Variants in ANKRD42 observed in about 807,000 individuals in gnomAD.
ANKRD42 encodes ankyrin repeat domain-containing protein 42.
Under a neutral mutation model 51.5 loss-of-function variants are expected in ANKRD42, and 43 were observed. The ratio of observed to expected loss-of-function variants is 0.83; its 90% CI spans 0.65 to 1.08. The LOEUF is 1.08. Among genes scored for constraint, ANKRD42 ranks in the 50% least tolerant of loss-of-function variants. The pLI is 0.00. For synonymous variants in ANKRD42, 203 were observed against 213.0 expected (o/e 0.95, Z 0.41); for missense variants, 608 against 629.3 (o/e 0.97, Z 0.36).
At chr11:83,229,243 A>G (rs1247619934) in intron 7 of ANKRD42, among the ~76,000 whole-genome samples, 2 of 151,964 alleles carry the variant, frequency 1.3e-5, no homozygotes, top group Non-Finnish European at 2.9e-5. Flanking sequence ...AAATTAGTCA[A>G]ATTGGATTAG....
chr11:83,257,317 G>C (rs778548140), downstream of ANKRD42: 6 of 455,960 alleles, frequency 1.3e-5, no homozygotes, highest in South Asian at 3.1e-5. Flanking sequence ...TTCAGGGGGA[G>C]ACAGGAGCCA....
intron 5 of ANKRD42, chr11:83,212,635 A>G: frequency 6.6e-7 from 1 of 1,524,762 alleles, no homozygotes; most frequent in African/African-American, 1.4e-5. Context: ...GGCCTGATCA[A>G]ATCACTTTGC....
chr11:83,261,703 A>G, downstream of ANKRD42: 1 of 368,108 alleles, frequency 2.7e-6, no homozygotes, highest in Non-Finnish European at 4.9e-6. Context: ...CAGCTTTTCA[A>G]TATAATAAAG....
In ANKRD42 at chr11:83,239,004, C is replaced by CAA. The variant is rs58315284; in HGVS notation, c.1020-1745_1020-1744dup. ...AACCTAGGCGACTGAGCTAGACCCTCAAAAAAAAAAATTTTGCATTTCTGT... is the reference window on the plus strand; with the variant it reads ...AACCTAGGCGACTGAGCTAGACCCTCAAAAAAAAAAAAATTTTGCATTTCTGT... On this transcript the variant is annotated intron_variant, in intron 8 of 10. Coordinates refer to ENST00000533342, the MANE Select transcript of ANKRD42 (RefSeq NM_001300975.2). Among the ~76,000 whole-genome samples the CAA allele has an allele frequency of 9.1e-4, 136 of 149,140 alleles. 1 individual carries two copies. The highest frequency in any genetic ancestry group is 2.6e-3 in the African/African-American group (105 of 40,488).
At chr11:83,247,826 A>G (rs1214496632) in intron 10 of ANKRD42, 117 bp from the exon 11 acceptor site, 1 of 912,714 alleles carries the variant, frequency 1.1e-6, no homozygotes, top group East Asian at 2.6e-5. Context: ...TATTTGTTGA[A>G]TAAATGATTT....
intron 3 of ANKRD42, among the ~76,000 whole-genome samples, chr11:83,206,407 C>T (rs1182950211): frequency 6.6e-6 from 1 of 152,174 alleles, no homozygotes; most frequent in East Asian, 1.9e-4. Flanking sequence ...ATCTCACAGT[C>T]ATAACCAGAT....
chr11:83,214,456 C>T, intron 5 of ANKRD42: 1 of 980,668 alleles, frequency 1.0e-6, no homozygotes, highest in Non-Finnish European at 1.2e-6. Flanking sequence ...ATTAAAAAAT[C>T]CAATTGTTTC....
intron 7 of ANKRD42, among the ~76,000 whole-genome samples, chr11:83,229,629 A>C (rs1477731416): frequency 4.6e-5 from 7 of 152,190 alleles, no homozygotes; most frequent in African/African-American, 1.7e-4. Flanking sequence ...GGTTCTAAAG[A>C]GACTGTTCTA....
chr11:83,240,708 T>G (rs1863359151), intron 8 of ANKRD42, 51 bp from the exon 9 acceptor site: 1 of 1,594,932 alleles, frequency 6.3e-7, no homozygotes, highest in South Asian at 1.1e-5. Context: ...AGCTGCAGTT[T>G]CAGTTTGAAG....
chr11:83,241,913 T>C (rs766417203), intron 9 of ANKRD42, among the ~76,000 whole-genome samples: 9 of 152,150 alleles, frequency 5.9e-5, no homozygotes, highest in Non-Finnish European at 1.0e-4. Context: ...ATACTCCATC[T>C]AACAATATAA....
intron 4 of ANKRD42, 120 bp downstream of exon 4, chr11:83,210,539 T>A: frequency 8.2e-7 from 1 of 1,223,014 alleles, no homozygotes; most frequent in Non-Finnish European, 1.1e-6. Context: ...GAAACTAATT[T>A]AATTTTTCTC....
rs775587249 is a variant in ANKRD42 at position 83,211,365 on chromosome 11, G to C, written c.521G>C (p.Cys174Ser). Residue 174 changes from cysteine (C) to serine (S), a missense_variant, in exon 5 of 11, where the codon TGC becomes TCC. Coordinates refer to ENST00000533342, the MANE Select transcript of ANKRD42 (RefSeq NM_001300975.2). ...GCAGCTTTTCATGGGCGGCTTGGCT[G>C]CTTGCAACTTCTTGTTAAATGGGGT... is the stretch of plus-strand genomic sequence containing the variant. ...HYAAFHGRLGCLQLLVKWGCS... is the reference protein window; with the variant it reads ...HYAAFHGRLGSLQLLVKWGCS... 5 of 1,614,196 alleles carry C rather than the reference G, an allele frequency of 3.1e-6. No individual in the cohort carries two copies. The highest frequency in any genetic ancestry group is 4.2e-6 in the Non-Finnish European group (5 of 1,180,010).
chr11:83,243,968 T>A (rs1159496983), intron 9 of ANKRD42, among the ~76,000 whole-genome samples: 2 of 21,006 alleles, frequency 9.5e-5, no homozygotes, highest in Non-Finnish European at 2.0e-4. Flanking sequence ...CTGGCTGCCC[T>A]TTTTTTTTTT....
intron 5 of ANKRD42, chr11:83,214,104 T>A (rs1406667840): frequency 6.6e-6 from 1 of 152,296 alleles, no homozygotes; most frequent in East Asian, 1.9e-4. Flanking sequence ...TTGGCCACGC[T>A]GGTCTTGAAC....
chr11:83,196,705 T>C (rs1861670944), intron 1 of ANKRD42, among the ~76,000 whole-genome samples: 1 of 152,226 alleles, frequency 6.6e-6, no homozygotes, highest in African/African-American at 2.4e-5. Flanking sequence ...CTTGAGGGTG[T>C]CTTCATCTTT....
rs1428565960 is a variant in ANKRD42, at chr11:83,248,504, T to G, written c.*300T>G. ...AGACAGCTAGAGGATATGTATATTTTAATATTCTAAATAACCAAAATAAAG... is the reference window on the plus strand; with the variant it reads ...AGACAGCTAGAGGATATGTATATTTGAATATTCTAAATAACCAAAATAAAG... On this transcript the variant is annotated 3_prime_UTR_variant, in exon 11 of 11. Transcript: ENST00000533342. The G allele has an allele frequency of 9.6e-7, 1 of 1,046,814 alleles. No individual in the cohort carries two copies. The highest frequency in any genetic ancestry group is 1.7e-5 in the African/African-American group (1 of 59,480). 64.8% of individuals were successfully genotyped at this position (1,046,814 alleles called of 1,614,324 possible). A position where few individuals can be genotyped will look rare whatever the true frequency, so the allele number is the denominator to read the frequency against.
chr11:83,234,439 T>G (rs1175476427), intron 7 of ANKRD42, among the ~76,000 whole-genome samples: 1 of 152,230 alleles, frequency 6.6e-6, no homozygotes. Flanking sequence ...TTTCAAGTCA[T>G]TTCTTAAAAA....
intron 5 of ANKRD42, chr11:83,213,191 A>G: frequency 1.2e-6 from 2 of 1,600,762 alleles, no homozygotes; most frequent in Non-Finnish European, 1.7e-6. Flanking sequence ...TGTGGGAGCG[A>G]CAAAAAAAAC....
chr11:83,227,072 G>T (rs1565189603), intron 6 of ANKRD42, among the ~76,000 whole-genome samples: 1 of 152,072 alleles, frequency 6.6e-6, no homozygotes, highest in Non-Finnish European at 1.5e-5. Context: ...AGTCTATTTT[G>T]CTGTTTTCAC....
Sources: allele counts gnomAD v4.1 joint callset (sites outside exome capture counted in the v4.1 genomes callset), GRCh38; gene constraint gnomAD v4.1.1; transcripts MANE v1.5; gene names NCBI Gene and HGNC (gene_info 2026-07-23, HGNC 2026-07-21).